Variants in PRKG1 observed in about 807,000 individuals in gnomAD.
PRKG1 encodes the protein protein kinase cGMP-dependent 1.
A neutral mutation model predicts 88.1 loss-of-function variants in PRKG1; 35 were observed. The ratio of observed to expected loss-of-function variants is 0.40; its 90% confidence interval spans 0.30 to 0.53. PRKG1 has a LOEUF of 0.53. PRKG1 is among the 20% of genes least tolerant of loss of function. The probability of loss-of-function intolerance (pLI) is 0.59; values close to 1 mark genes in which losing one functional copy is unlikely to be tolerated. For missense variants in PRKG1, 540 were observed against 839.8 expected (o/e 0.64, Z 4.41); for synonymous variants, 303 against 292.5 (o/e 1.04, Z -0.37).
At chr10:52,232,402 T>A (rs1470468140) in intron 9 of PRKG1, among the ~76,000 whole-genome samples, 1 of 152,258 alleles carries the variant, frequency 6.6e-6, no homozygotes, top group Middle Eastern at 3.4e-3. Context: ...AGAACATCAA[T>A]GTATCTTTTT....
intron 5 of PRKG1, among the ~76,000 whole-genome samples, chr10:51,951,907 A>G (rs1386565114): frequency 6.6e-6 from 1 of 152,220 alleles, no homozygotes; most frequent in Non-Finnish European, 1.5e-5. Context: ...TTTGAAAATA[A>G]TCAAAAGAAG....
At chr10:51,367,128 T>C (rs573211557) in intron 2 of PRKG1, among the ~76,000 whole-genome samples, 1 of 152,036 alleles carries the variant, frequency 6.6e-6, no homozygotes, top group Admixed American at 6.6e-5. Context: ...AAACTAAGAC[T>C]CTTTTTTTTC....
At chr10:51,952,902 A>G (rs1395278493) in intron 5 of PRKG1, among the ~76,000 whole-genome samples, 2 of 152,216 alleles carry the variant, frequency 1.3e-5, no homozygotes, top group East Asian at 3.9e-4. Flanking sequence ...CATGTCTAAT[A>G]CAGAGCCTGG....
At chr10:51,602,730 ATATGTGTGTGTG>A (rs1838641283) in intron 3 of PRKG1, among the ~76,000 whole-genome samples, 1 of 41,812 alleles carries the variant, frequency 2.4e-5, no homozygotes, top group African/African-American at 1.1e-4. Context: ...TGATTAATAT[ATATGTGTGTGTG>A]TGTGTGTGTG....
chr10:51,854,111 G>T (rs930769862), intron 4 of PRKG1, among the ~76,000 whole-genome samples: 1 of 152,010 alleles, frequency 6.6e-6, no homozygotes, highest in African/African-American at 2.4e-5. Context: ...CAAAATTGAT[G>T]AGTAAATTTA....
At chr10:50,995,081 T>G (rs12785117) in intron 1 of PRKG1, among the ~76,000 whole-genome samples, 2 of 152,170 alleles carry the variant, frequency 1.3e-5, no homozygotes, top group African/African-American at 4.8e-5. Flanking sequence ...GATGACTCTG[T>G]AGGAATTTTA....
chr10:52,293,760 C>A, intron 17 of PRKG1, 42 bp from the exon 18 acceptor site: 1 of 1,519,518 alleles, frequency 6.6e-7, no homozygotes, highest in Non-Finnish European at 9.1e-7. Flanking sequence ...TGGAATTCCA[C>A]TAAAAAAAAT....
chr10:51,870,232 G>C (rs966405418), intron 4 of PRKG1, among the ~76,000 whole-genome samples: 2 of 152,130 alleles, frequency 1.3e-5, no homozygotes, highest in Non-Finnish European at 2.9e-5. Flanking sequence ...AGGTGTTATA[G>C]GTGCCCAAAT....
chr10:52,247,296 A>C (rs1254838274), intron 9 of PRKG1, among the ~76,000 whole-genome samples: 2 of 152,198 alleles, frequency 1.3e-5, no homozygotes, highest in African/African-American at 4.8e-5. Context: ...TCTTACTAAA[A>C]GTATTTCTGC....
intron 5 of PRKG1, among the ~76,000 whole-genome samples, chr10:52,033,915 T>C (rs1009043855): frequency 6.7e-6 from 1 of 150,124 alleles, no homozygotes; most frequent in Admixed American, 6.6e-5. Flanking sequence ...TAAAGGAAAA[T>C]TACAGTCAAA....
At chr10:51,247,517 T>G (rs887712762) in intron 2 of PRKG1, among the ~76,000 whole-genome samples, 1 of 151,930 alleles carries the variant, frequency 6.6e-6, no homozygotes, top group Non-Finnish European at 1.5e-5. Flanking sequence ...TAAGTAAATA[T>G]CCAGCAAAAT....
rs16918995 is a variant in PRKG1, at chr10:51,522,221, C to T, written c.592+54385C>T. On this transcript the variant is annotated intron_variant, in intron 3 of 17. Transcript: ENST00000373980. ...GGAAATGTTAATATGACATTGAAGA[C>T]CATGTAGAATATGATCATGTTTTGT... Among the ~76,000 whole-genome samples, 1,306 of 152,240 alleles carry T rather than the reference C, an allele frequency of 8.6e-3. 13 individuals are homozygous for T. The highest frequency in any genetic ancestry group is 0.03 in the African/African-American group (1,234 of 41,534).
intron 9 of PRKG1, among the ~76,000 whole-genome samples, chr10:52,166,839 G>GTATATATATATGTATATATACGTATA (rs375678645): frequency 2.2e-5 from 2 of 90,494 alleles, no homozygotes; most frequent in South Asian, 4.2e-4. Flanking sequence ...GTATATATAT[G>GTATATATATATGTATATATACGTATA]TATATATATG....
At chr10:51,089,410 A>T (rs1219982725) in intron 1 of PRKG1, among the ~76,000 whole-genome samples, 1 of 152,234 alleles carries the variant, frequency 6.6e-6, no homozygotes, top group African/African-American at 2.4e-5. Context: ...CTCTCCAAAA[A>T]TTCTTGAAGA....
chr10:51,699,559 T>C, intron 3 of PRKG1: 2 of 1,602,742 alleles, frequency 1.2e-6, no homozygotes, highest in Non-Finnish European at 1.7e-6. Flanking sequence ...TGATTCCGGT[T>C]GTGCAGACAG....
At chr10:51,380,401 A>G (rs1196836611) in intron 2 of PRKG1, among the ~76,000 whole-genome samples, 1 of 152,154 alleles carries the variant, frequency 6.6e-6, no homozygotes, top group Non-Finnish European at 1.5e-5. Context: ...GTTAAGCATA[A>G]TCTCCATGAA....
At chr10:52,192,306 A>C (rs1347630492) in intron 9 of PRKG1, among the ~76,000 whole-genome samples, 2 of 152,172 alleles carry the variant, frequency 1.3e-5, no homozygotes, top group East Asian at 3.9e-4. Context: ...CCATTTCTCA[A>C]GTAACCCTTA....
chr10:51,830,495 C>A (rs1226636654), intron 4 of PRKG1, among the ~76,000 whole-genome samples: 1 of 149,504 alleles, frequency 6.7e-6, no homozygotes, highest in East Asian at 2.0e-4. Flanking sequence ...AGTCCTATTG[C>A]AATATAATTG....
intron 7 of PRKG1, among the ~76,000 whole-genome samples, chr10:52,088,975 TA>T (rs1269002372): frequency 6.6e-6 from 1 of 152,214 alleles, no homozygotes; most frequent in East Asian, 1.9e-4. Context: ...ATTGAAACTT[TA>T]TTTCAGATGT....
Sources: gnomAD v4.1 joint callset for allele counts (sites outside exome capture counted in the v4.1 genomes callset) on GRCh38, gnomAD v4.1.1 for gene constraint, MANE v1.5 for transcripts, NCBI Gene and HGNC (gene_info 2026-07-23, HGNC 2026-07-21) for gene names.